SPACA7: variants seen among roughly 807,000 people sequenced by gnomAD.
SPACA7 encodes sperm acrosome-associated protein 7.
In SPACA7, 19 loss-of-function variants were observed where a neutral mutation model predicts 26.3. That is an observed-to-expected ratio of 0.72 (90% CI 0.50 to 1.06). SPACA7 has a LOEUF of 1.06. SPACA7 is among the 50% of genes least tolerant of loss of function. SPACA7 has a pLI of 0.00. For missense variants in SPACA7, 211 were observed against 229.9 expected, an observed-to-expected ratio of 0.92 and a Z score of 0.53; for synonymous variants, 84 against 84.5, an observed-to-expected ratio of 0.99 and a Z score of 0.04.
At chr13:112,389,775 C>T (rs780782421) in intron 1 of SPACA7, among the ~76,000 whole-genome samples, 2 of 152,238 alleles carry the variant, frequency 1.3e-5, no homozygotes, top group Non-Finnish European at 2.9e-5. Flanking sequence ...ACAAAACTCA[C>T]TGGTTTATCT....
intron 1 of SPACA7, among the ~76,000 whole-genome samples, chr13:112,377,819 A>C (rs1418896982): frequency 1.3e-5 from 2 of 152,138 alleles, no homozygotes; most frequent in East Asian, 3.8e-4. Context: ...CTGGTGGAGG[A>C]TGTGTGCTGG....
intron 1 of SPACA7, among the ~76,000 whole-genome samples, chr13:112,383,116 AAAAG>A (rs1387225331): frequency 0.016 from 527 of 32,740 alleles, 5 homozygotes; most frequent in African/African-American, 0.024. Flanking sequence ...AAAAGAAAAG[AAAAG>A]AAAAGAAAGA....
At chr13:112,389,422 T>C (rs1158038112) in intron 1 of SPACA7, among the ~76,000 whole-genome samples, 3 of 152,252 alleles carry the variant, frequency 2.0e-5, no homozygotes, top group Non-Finnish European at 4.4e-5. Flanking sequence ...ATTATATCTA[T>C]AGCTGACAAT....
chr13:112,398,190 C>G (rs1379256072), intron 3 of SPACA7, 52 bp downstream of exon 3: 1 of 1,361,060 alleles, frequency 7.3e-7, no homozygotes, highest in East Asian at 2.3e-5. Flanking sequence ...TGCCCTTATT[C>G]CTGGAGGTCT....
At chr13:112,383,139 A>G (rs1333840648) in intron 1 of SPACA7, among the ~76,000 whole-genome samples, 1 of 52,262 alleles carries the variant, frequency 1.9e-5, no homozygotes, top group African/African-American at 9.6e-5. Context: ...GAAAGAAAGA[A>G]AGAAAGAAAG....
At chr13:112,394,274 A>G (rs1722910862) in intron 2 of SPACA7, among the ~76,000 whole-genome samples, 1 of 151,794 alleles carries the variant, frequency 6.6e-6, no homozygotes, top group Non-Finnish European at 1.5e-5. Context: ...TGCAGTCCTG[A>G]CCCCTGCTCA....
At chr13:112,418,202 G>C (rs1886811866) in intron 5 of SPACA7, among the ~76,000 whole-genome samples, 1 of 152,180 alleles carries the variant, frequency 6.6e-6, no homozygotes, top group Non-Finnish European at 1.5e-5. Context: ...CTGCAGCAAA[G>C]TAAAGGAAAT....
At chr13:112,414,148 C>T (rs985662208) in intron 5 of SPACA7, among the ~76,000 whole-genome samples, 3 of 152,046 alleles carry the variant, frequency 2.0e-5, no homozygotes, top group African/African-American at 2.4e-5. Flanking sequence ...GAAGGCCCCA[C>T]GTCCAACACT....
chr13:112,414,647 G>A (rs999306968), intron 5 of SPACA7, among the ~76,000 whole-genome samples: 1 of 152,010 alleles, frequency 6.6e-6, no homozygotes, highest in African/African-American at 2.4e-5. Flanking sequence ...CTGACGTCAA[G>A]TGATCTGCCC....
At chr13:112,423,113 C>T (rs1594322522) in intron 5 of SPACA7, among the ~76,000 whole-genome samples, 2 of 152,150 alleles carry the variant, frequency 1.3e-5, no homozygotes, top group South Asian at 4.1e-4. Context: ...GCTTTTGTTT[C>T]CAAAGTCGAT....
At chr13:112,416,211 C>T (rs1039011411) in intron 5 of SPACA7, among the ~76,000 whole-genome samples, 3 of 151,986 alleles carry the variant, frequency 2.0e-5, no homozygotes, top group African/African-American at 4.8e-5. Flanking sequence ...TTTTATGTTC[C>T]TACAGGGGTC....
intron 2 of SPACA7, 119 bp from the exon 3 acceptor site, chr13:112,397,930 C>T (rs1885383487): frequency 1.8e-6 from 1 of 569,132 alleles, no homozygotes; most frequent in Non-Finnish European, 3.0e-6. Flanking sequence ...TCCCGGAGTT[C>T]CTGTTTGTAC....
At chr13:112,390,974 C>T (rs1284309943) in intron 1 of SPACA7, among the ~76,000 whole-genome samples, 3 of 152,218 alleles carry the variant, frequency 2.0e-5, no homozygotes, top group Non-Finnish European at 2.9e-5. Context: ...GGAAGGAATG[C>T]TGGGGGTGCT....
At chr13:112,400,470 C>T (rs78231771) in intron 4 of SPACA7, among the ~76,000 whole-genome samples, 2,391 of 152,194 alleles carry the variant, frequency 0.016, 27 homozygotes, top group Middle Eastern at 0.027. Flanking sequence ...TTTATGTATT[C>T]GGTTGCTTAT....
At chr13:112,428,669 T>C (rs1329322028) in intron 5 of SPACA7, among the ~76,000 whole-genome samples, 2 of 152,260 alleles carry the variant, frequency 1.3e-5, no homozygotes, top group Non-Finnish European at 2.9e-5. Flanking sequence ...CATAATTTTA[T>C]TGATTTATAA....
At chr13:112,389,157 G>A (rs1380616674) in intron 1 of SPACA7, among the ~76,000 whole-genome samples, 6 of 152,196 alleles carry the variant, frequency 3.9e-5, no homozygotes, top group South Asian at 2.1e-4. Flanking sequence ...GGCTGTTACC[G>A]TCTTTGTTTA....
In SPACA7 at chr13:112,400,721, G is replaced by A. The variant is rs183917984; in HGVS notation, c.350-348G>A. On this transcript the variant is annotated intron_variant, in intron 4 of 6. Transcript: ENST00000283550. ...CCCAGTTCTGCAGTCATTATTTTTT[G>A]TATGTATCTTTCCATTGTTTGCAAT... 3.3e-5 allele frequency among the ~76,000 whole-genome samples: 5 copies of A among 152,246 alleles called. No homozygotes were observed. The East Asian group carries it at 9.7e-4, about 29-fold the overall frequency.
chr13:112,422,693 C>T (rs781494285), intron 5 of SPACA7, among the ~76,000 whole-genome samples: 3 of 152,174 alleles, frequency 2.0e-5, no homozygotes, highest in Non-Finnish European at 4.4e-5. Context: ...TTCTCAATAA[C>T]CCAATGCGCA....
chr13:112,392,831 C>G (rs976572286), intron 1 of SPACA7, among the ~76,000 whole-genome samples, 190 bp from the exon 2 acceptor site: 8 of 152,200 alleles, frequency 5.3e-5, no homozygotes, highest in African/African-American at 1.9e-4. Context: ...ATTTTCCAGA[C>G]AAGAAAGCCA....
Sources: gnomAD v4.1 joint callset for allele counts (sites outside exome capture counted in the v4.1 genomes callset) on GRCh38, gnomAD v4.1.1 for gene constraint, MANE v1.5 for transcripts, NCBI Gene and HGNC (gene_info 2026-07-23, HGNC 2026-07-21) for gene names.